Variants in CSMD1 observed in about 807,000 individuals in gnomAD.
CSMD1 encodes CUB and sushi domain-containing protein 1.
CSMD1 carries 213 observed loss-of-function variants against 417.5 expected under a neutral mutation model. The ratio of observed to expected loss-of-function variants is 0.51; its 90% CI spans 0.46 to 0.57. The LOEUF is 0.57. Ranked by LOEUF, CSMD1 falls within the 20% of genes least tolerant of loss-of-function variation. The pLI, the probability that CSMD1 is intolerant of heterozygous loss-of-function variation, is 0.00. For synonymous variants in CSMD1, 2,862 were observed against 1,736.8 expected, an observed-to-expected ratio of 1.65 and a Z score of -16.11; for missense variants, 6,923 against 4,529.7, an observed-to-expected ratio of 1.53 and a Z score of -15.17.
At chr8:3,910,555 T>C (rs1275064672) in intron 5 of CSMD1, among the ~76,000 whole-genome samples, 1 of 152,226 alleles carries the variant, frequency 6.6e-6, no homozygotes, top group Non-Finnish European at 1.5e-5. Flanking sequence ...TCAGAATAAC[T>C]TGAGCAGACA....
intron 10 of CSMD1, among the ~76,000 whole-genome samples, chr8:3,534,598 T>C (rs1057024312): frequency 6.6e-6 from 1 of 152,176 alleles, no homozygotes; most frequent in Admixed American, 6.5e-5. Flanking sequence ...AAAAGTTGTG[T>C]TTCCTAAGGG....
At chr8:3,850,406 C>T (rs187000831) in intron 5 of CSMD1, among the ~76,000 whole-genome samples, 6 of 152,252 alleles carry the variant, frequency 3.9e-5, no homozygotes, top group Non-Finnish European at 4.4e-5. Context: ...CCTCAAAATT[C>T]GCATTAAGCC....
intron 7 of CSMD1, among the ~76,000 whole-genome samples, chr8:3,664,365 C>A (rs924493720): frequency 2.6e-5 from 4 of 152,164 alleles, no homozygotes; most frequent in Admixed American, 1.3e-4. Context: ...GGACTTCATA[C>A]AATGAAGCTT....
At chr8:4,976,297 G>C (rs746569934) in intron 1 of CSMD1, among the ~76,000 whole-genome samples, 14 of 152,132 alleles carry the variant, frequency 9.2e-5, no homozygotes, top group African/African-American at 2.7e-4. Flanking sequence ...CAAATGTATG[G>C]AGTAGCTACC....
At chr8:4,239,195 A>T (rs1802242814) in intron 3 of CSMD1, among the ~76,000 whole-genome samples, 1 of 152,174 alleles carries the variant, frequency 6.6e-6, no homozygotes. Flanking sequence ...CTTACATTAG[A>T]GATACAGTTG....
chr8:3,545,275 G>A (rs915354067), intron 10 of CSMD1, among the ~76,000 whole-genome samples: 1 of 152,158 alleles, frequency 6.6e-6, no homozygotes, highest in Admixed American at 6.5e-5. Flanking sequence ...AGAAGGACAT[G>A]GTCTTCATGA....
chr8:3,178,119 C>T (rs1038025581), intron 37 of CSMD1, among the ~76,000 whole-genome samples: 3 of 151,980 alleles, frequency 2.0e-5, no homozygotes, highest in African/African-American at 7.3e-5. Flanking sequence ...CTGTAAGATC[C>T]CTGAGACTGT....
intron 59 of CSMD1, among the ~76,000 whole-genome samples, chr8:2,964,178 G>A (rs1273547760): frequency 1.3e-5 from 2 of 152,234 alleles, no homozygotes; most frequent in Non-Finnish European, 2.9e-5. Context: ...GGTAGCAGAA[G>A]GCACTACAAA....
chr8:3,949,327 T>C (rs959865284), intron 5 of CSMD1, among the ~76,000 whole-genome samples: 1 of 152,160 alleles, frequency 6.6e-6, no homozygotes, highest in South Asian at 2.1e-4. Context: ...TGAAATGTTG[T>C]AGCCTCTGAC....
intron 1 of CSMD1, among the ~76,000 whole-genome samples, chr8:4,935,960 C>G (rs1419860641): frequency 2.6e-5 from 4 of 152,200 alleles, no homozygotes; most frequent in Non-Finnish European, 4.4e-5. Context: ...CTTACACTGC[C>G]TTTTCAGCAG....
chr8:3,467,975 C>G (rs185465244), intron 12 of CSMD1, among the ~76,000 whole-genome samples: 3 of 152,166 alleles, frequency 2.0e-5, no homozygotes, highest in Non-Finnish European at 4.4e-5. Flanking sequence ...TCATTTTTAC[C>G]TAAACACATA....
intron 68 of CSMD1, among the ~76,000 whole-genome samples, 185 bp downstream of exon 68, chr8:2,949,114 G>T (rs75864120): frequency 6.6e-6 from 1 of 151,028 alleles, no homozygotes; most frequent in Non-Finnish European, 1.5e-5. Flanking sequence ...CATTATTTCC[G>T]GCTTTGTGTT....
chr8:3,871,110 C>A (rs1372269585), intron 5 of CSMD1, among the ~76,000 whole-genome samples: 1 of 151,984 alleles, frequency 6.6e-6, no homozygotes, highest in African/African-American at 2.4e-5. Context: ...TAATAGACAT[C>A]TAGAATATTT....
At chr8:4,157,615 C>T (rs902519389) in intron 3 of CSMD1, among the ~76,000 whole-genome samples, 11 of 152,282 alleles carry the variant, frequency 7.2e-5, no homozygotes, top group African/African-American at 2.2e-4. Flanking sequence ...AAATCTTTCA[C>T]GCAGAGTTGA....
intron 1 of CSMD1, among the ~76,000 whole-genome samples, chr8:4,702,892 A>T: frequency 6.6e-6 from 1 of 152,190 alleles, no homozygotes; most frequent in East Asian, 1.9e-4. Flanking sequence ...CTAAAAAGTT[A>T]ATTATGAATT....
intron 7 of CSMD1, among the ~76,000 whole-genome samples, chr8:3,671,826 G>A (rs1799084978): frequency 6.6e-6 from 1 of 151,888 alleles, no homozygotes; most frequent in Non-Finnish European, 1.5e-5. Context: ...CAGTTCTTGA[G>A]CAATGACTTG....
chr8:3,541,206 G>T (rs550129316), intron 10 of CSMD1, among the ~76,000 whole-genome samples: 4 of 152,164 alleles, frequency 2.6e-5, no homozygotes, highest in Non-Finnish European at 4.4e-5. Flanking sequence ...GCCATAAGAA[G>T]GAATGAGATC....
At chr8:3,587,401 C>T (rs1042447645) in intron 8 of CSMD1, among the ~76,000 whole-genome samples, 3 of 151,956 alleles carry the variant, frequency 2.0e-5, no homozygotes, top group Non-Finnish European at 4.4e-5. Flanking sequence ...TGAGAAACCA[C>T]GGGTTGATGT....
At chr8:3,335,410 G>A (rs762477851) in intron 23 of CSMD1, among the ~76,000 whole-genome samples, 1 of 152,176 alleles carries the variant, frequency 6.6e-6, no homozygotes, top group Non-Finnish European at 1.5e-5. Context: ...AGGCATGGTG[G>A]CTCACGCCTG....
Sources: allele counts gnomAD v4.1 joint callset (sites outside exome capture counted in the v4.1 genomes callset), GRCh38; gene constraint gnomAD v4.1.1; transcripts MANE v1.5; gene names NCBI Gene and HGNC (gene_info 2026-07-23, HGNC 2026-07-21).